The following KCNMA1 variants were observed in gnomAD, a reference collection of about 807,000 sequenced individuals.
The protein encoded by KCNMA1 is Calcium-activated potassium channel subunit alpha-1.
A neutral mutation model predicts 140.0 loss-of-function variants in KCNMA1; 29 were observed. That is an observed-to-expected ratio of 0.21 (90% CI 0.15 to 0.28). The LOEUF (loss-of-function observed/expected upper bound fraction) is 0.28. KCNMA1 is among the 10% of genes least tolerant of loss of function. The pLI is 1.00. For synonymous variants in KCNMA1, 612 were observed against 611.9 expected, an observed-to-expected ratio of 1.00 and a Z score of 0.00; for missense variants, 880 against 1,602.2, an observed-to-expected ratio of 0.55 and a Z score of 7.70.
chr10:76,883,921 AAGT>A, downstream of KCNMA1: 1 of 735,612 alleles, frequency 1.4e-6, no homozygotes, highest in Non-Finnish European at 1.7e-6. Flanking sequence ...AATAAAATTG[AAGT>A]AGTAATGATC....
In KCNMA1 at chr10:77,039,883, C is replaced by CTTTTTTTTTTTTTT. The variant is rs34943268; in HGVS notation, c.1750-260_1750-247dup. Among the ~76,000 whole-genome samples, 109 of 78,950 alleles carry CTTTTTTTTTTTTTT rather than the reference C, an allele frequency of 1.4e-3. 1 individual carries two copies. The highest frequency in any genetic ancestry group is 3.4e-3 in the East Asian group (8 of 2,328). 51.8% of individuals were successfully genotyped at this position (78,950 alleles called of 152,430 possible). A position where few individuals can be genotyped will look rare whatever the true frequency, so the allele number is the denominator to read the frequency against. ...TCTTTCCTTTTTCTTTTTTCTTTTT[C>CTTTTTTTTTTTTTT]TTTTTTTTTTTTTTTTTTTTTTTGA... On this transcript the variant is annotated intron_variant, in intron 14 of 27. Transcript: ENST00000286628.
At chr10:77,137,808 G>A (rs977974766) in intron 5 of KCNMA1, among the ~76,000 whole-genome samples, 2 of 152,190 alleles carry the variant, frequency 1.3e-5, no homozygotes, top group East Asian at 1.9e-4. Flanking sequence ...TTGAGACAGG[G>A]TCTTACTTTG....
chr10:77,144,415 TC>T (rs2098247971), intron 5 of KCNMA1, among the ~76,000 whole-genome samples: 1 of 152,122 alleles, frequency 6.6e-6, no homozygotes. Flanking sequence ...TTTTTTATGT[TC>T]AAGGGAGGAG....
At chr10:77,113,707 G>A (rs1021970753) in intron 6 of KCNMA1, among the ~76,000 whole-genome samples, 32 of 152,072 alleles carry the variant, frequency 2.1e-4, no homozygotes, top group Admixed American at 1.6e-3. Flanking sequence ...CAGGTGATCT[G>A]CCCGCCTTGG....
intron 15 of KCNMA1, among the ~76,000 whole-genome samples, chr10:77,030,817 AAAC>A (rs2093881314): frequency 6.6e-6 from 1 of 152,222 alleles, no homozygotes; most frequent in African/African-American, 2.4e-5. Flanking sequence ...CATAACTTCA[AAAC>A]ATTCAAATCC....
At chr10:77,557,566 A>T (rs1369415808) in intron 1 of KCNMA1, among the ~76,000 whole-genome samples, 8 of 152,006 alleles carry the variant, frequency 5.3e-5, no homozygotes, top group African/African-American at 9.7e-5. Context: ...ATATTTTTTT[A>T]AAAAGTGGAT....
intron 1 of KCNMA1, among the ~76,000 whole-genome samples, chr10:77,574,667 G>T (rs952715934): frequency 6.6e-6 from 1 of 152,176 alleles, no homozygotes; most frequent in Non-Finnish European, 1.5e-5. Flanking sequence ...TTTCTGAAAT[G>T]CAGAGGCTGA....
chr10:77,011,063 G>A (rs1246253331), intron 18 of KCNMA1, among the ~76,000 whole-genome samples: 1 of 152,040 alleles, frequency 6.6e-6, no homozygotes, highest in Non-Finnish European at 1.5e-5. Flanking sequence ...CCAATTACAT[G>A]GGGTTAGGGT....
chr10:77,164,469 A>T (rs1351710941), intron 5 of KCNMA1, among the ~76,000 whole-genome samples: 1 of 152,090 alleles, frequency 6.6e-6, no homozygotes, highest in Non-Finnish European at 1.5e-5. Context: ...CACAGACACA[A>T]ACTCATAATT....
At chr10:76,901,541 T>G (rs1423872407) in intron 25 of KCNMA1, 1 of 152,240 alleles carries the variant, frequency 6.6e-6, no homozygotes, top group African/African-American at 2.4e-5. Flanking sequence ...AAATCAGTTA[T>G]ACCCAAATCT....
At chr10:77,616,086 C>A (rs2089363787) in intron 1 of KCNMA1, among the ~76,000 whole-genome samples, 1 of 152,210 alleles carries the variant, frequency 6.6e-6, no homozygotes, top group Admixed American at 6.5e-5. Context: ...GGACTCAAAC[C>A]CGCCTTTGAC....
intron 18 of KCNMA1, 58 bp from the exon 19 acceptor site, chr10:77,001,638 C>T: frequency 7.0e-7 from 1 of 1,422,556 alleles, no homozygotes; most frequent in Non-Finnish European, 9.6e-7. Context: ...GGCAAGGTCA[C>T]ACACAGCAAG....
chr10:77,114,766 G>A (rs944975597), intron 6 of KCNMA1, among the ~76,000 whole-genome samples: 1 of 152,178 alleles, frequency 6.6e-6, no homozygotes, highest in Non-Finnish European at 1.5e-5. Flanking sequence ...CTTTTGTAAA[G>A]TTTTAGGTTG....
At chr10:77,208,563 A>G (rs747091322) in intron 3 of KCNMA1, among the ~76,000 whole-genome samples, 1 of 152,338 alleles carries the variant, frequency 6.6e-6, no homozygotes, top group Admixed American at 6.5e-5. Context: ...AAAAAAATCA[A>G]ATGCAATCCT....
At chr10:77,152,548 G>GATCTAC (rs995320958) in intron 5 of KCNMA1, among the ~76,000 whole-genome samples, 7 of 152,274 alleles carry the variant, frequency 4.6e-5, no homozygotes, top group Non-Finnish European at 1.0e-4. Context: ...TGGCAGCCAG[G>GATCTAC]ATCTACACAT....
intron 1 of KCNMA1, among the ~76,000 whole-genome samples, chr10:77,460,967 GTGGTGGCATGCCA>G (rs1469338367): frequency 6.6e-6 from 1 of 152,094 alleles, no homozygotes; most frequent in Non-Finnish European, 1.5e-5. Context: ...TTAGCTGGGC[GTGGTGGCATGCCA>G]CTGTAATCCC....
At chr10:77,413,047 AG>A (rs1335678689) in intron 1 of KCNMA1, among the ~76,000 whole-genome samples, 2 of 152,082 alleles carry the variant, frequency 1.3e-5, no homozygotes, top group African/African-American at 2.4e-5. Context: ...TAGTACAGAC[AG>A]GGTTTCACCA....
intron 5 of KCNMA1, 64 bp downstream of exon 5, chr10:77,183,357 C>T: frequency 9.1e-7 from 1 of 1,104,082 alleles, no homozygotes; most frequent in Non-Finnish European, 1.4e-6. Context: ...TCATCCACTG[C>T]AAATTCTGTC....
At chr10:77,342,852 G>C (rs997432935) in intron 2 of KCNMA1, among the ~76,000 whole-genome samples, 3 of 152,166 alleles carry the variant, frequency 2.0e-5, no homozygotes, top group Non-Finnish European at 2.9e-5. Context: ...CCCCATCACT[G>C]GGAAGTGTCA....
Sources: gnomAD v4.1 joint callset for allele counts (sites outside exome capture counted in the v4.1 genomes callset) on GRCh38, gnomAD v4.1.1 for gene constraint, MANE v1.5 for transcripts, NCBI Gene and HGNC (gene_info 2026-07-23, HGNC 2026-07-21) for gene names.